CUX2: variants seen among roughly 807,000 people sequenced by gnomAD.
CUX2 encodes cut like homeobox 2, also known as homeobox protein cut-like 2.
CUX2 carries 40 observed loss-of-function variants against 144.8 expected under a neutral mutation model. That is an observed-to-expected ratio of 0.28 (90% CI 0.21 to 0.36). The LOEUF (loss-of-function observed/expected upper bound fraction) is 0.36, where lower values mean the gene tolerates loss of function less well. Ranked by LOEUF, CUX2 falls within the 10% of genes least tolerant of loss-of-function variation. The pLI is 1.00. For missense variants in CUX2, 1,615 were observed against 1,994.0 expected (o/e 0.81, Z 3.62); for synonymous variants, 827 against 875.6 (o/e 0.94, Z 0.98).
chr12:111,052,217 G>A (rs1412037638), intron 1 of CUX2, among the ~76,000 whole-genome samples: 1 of 152,002 alleles, frequency 6.6e-6, no homozygotes, highest in Non-Finnish European at 1.5e-5. Context: ...CACTTCCTTG[G>A]GGCAGCTGCC....
At position 111,241,901 on chromosome 12, in the gene CUX2, T is replaced by G. The variant is rs371239063; in HGVS notation, c.223-21860T>G. 2.6e-4 allele frequency among the ~76,000 whole-genome samples: 40 copies of G among 152,408 alleles called. No homozygotes were observed. In the South Asian group the frequency reaches 7.7e-3, roughly 29 times the overall value. On this transcript the variant is annotated intron_variant, in intron 3 of 21. Coordinates refer to ENST00000261726, the MANE Select transcript of CUX2 (RefSeq NM_015267.4). ...TCCTTATTGTGTGAAGTAGGACTCATGTCTCTGTTCTAAGTTTTCCTCTTT... is the reference window on the plus strand; with the variant it reads ...TCCTTATTGTGTGAAGTAGGACTCAGGTCTCTGTTCTAAGTTTTCCTCTTT...
intron 1 of CUX2, among the ~76,000 whole-genome samples, chr12:111,140,784 G>A (rs1175380870): frequency 2.0e-5 from 3 of 152,312 alleles, no homozygotes; most frequent in Admixed American, 6.5e-5. Flanking sequence ...GTTACCTTTG[G>A]CAGTTTACAC....
At chr12:111,103,780 G>T (rs543916927) in intron 1 of CUX2, among the ~76,000 whole-genome samples, 1 of 152,312 alleles carries the variant, frequency 6.6e-6, no homozygotes, top group Admixed American at 6.5e-5. Flanking sequence ...CTGCCTTCAG[G>T]CATGGCTGTA....
chr12:111,196,477 T>A (rs4766553), intron 1 of CUX2, among the ~76,000 whole-genome samples: 1 of 152,082 alleles, frequency 6.6e-6, no homozygotes, highest in Admixed American at 6.5e-5. Context: ...GTATCTGGGC[T>A]TAGTATTGTC....
chr12:111,146,112 G>A (rs1217286162), intron 1 of CUX2, among the ~76,000 whole-genome samples: 1 of 152,116 alleles, frequency 6.6e-6, no homozygotes, highest in Non-Finnish European at 1.5e-5. Context: ...CCCCTACACG[G>A]CACATTCTCT....
chr12:111,349,150 G>C lies in CUX2; in HGVS notation c.*825G>C, dbSNP rs1295104489. ...GGTCTCACTAGTTAGAAACCTGTGG[G>C]CCATGGAGGTCAGACATCCATCTTG... is the stretch of plus-strand genomic sequence containing the variant. On this transcript the variant is annotated 3_prime_UTR_variant, in exon 22 of 22. Transcript: ENST00000261726. 1.3e-5 allele frequency: 2 copies of C among 152,304 alleles called. No homozygotes were observed. Among genetic ancestry groups the C allele is most frequent in the East Asian group, 1.9e-4 (1 of 5,196 alleles). The allele number at this position is 152,304 out of a possible 1,614,324, so 9.4% of individuals were successfully genotyped here. A position where few individuals can be genotyped will look rare whatever the true frequency, so the allele number is the denominator to read the frequency against.
At chr12:111,317,437 T>C (rs1283666165) in intron 16 of CUX2, among the ~76,000 whole-genome samples, 2 of 152,218 alleles carry the variant, frequency 1.3e-5, no homozygotes, top group African/African-American at 2.4e-5. Flanking sequence ...TATGTGTGTG[T>C]ATATTCATGC....
chr12:111,094,060 T>C (rs1267031616), intron 1 of CUX2, among the ~76,000 whole-genome samples: 1 of 152,230 alleles, frequency 6.6e-6, no homozygotes, highest in Non-Finnish European at 1.5e-5. Flanking sequence ...ATAGTGAACT[T>C]TCAATAGCAG....
intron 2 of CUX2, 46 bp from the exon 3 acceptor site, chr12:111,217,844 G>T (rs368893159): frequency 6.2e-5 from 99 of 1,603,450 alleles, no homozygotes; most frequent in Non-Finnish European, 8.1e-5. Flanking sequence ...CCACGGGGGC[G>T]TCCCACCTGG....
chr12:111,175,329 C>T (rs1370923771), intron 1 of CUX2, among the ~76,000 whole-genome samples: 1 of 138,682 alleles, frequency 7.2e-6, no homozygotes, highest in African/African-American at 2.8e-5. Flanking sequence ...CCAACCCCCT[C>T]CCCACCCACA....
At chr12:111,128,380 T>C (rs1375362113) in intron 1 of CUX2, among the ~76,000 whole-genome samples, 1 of 152,146 alleles carries the variant, frequency 6.6e-6, no homozygotes, top group Non-Finnish European at 1.5e-5. Flanking sequence ...CCGGGTCAAT[T>C]CTGTCAGTTT....
At chr12:111,053,034 G>T (rs914829289) in intron 1 of CUX2, among the ~76,000 whole-genome samples, 42 of 152,112 alleles carry the variant, frequency 2.8e-4, no homozygotes, top group African/African-American at 9.9e-4. Context: ...GGCAAAGCAG[G>T]GTTATTGCCG....
chr12:111,036,704 T>G (rs1869473643), intron 1 of CUX2, among the ~76,000 whole-genome samples: 2 of 139,976 alleles, frequency 1.4e-5, no homozygotes, highest in South Asian at 2.6e-4. Context: ...GGAAGGGGGG[T>G]AAACTCATTT....
chr12:111,139,738 G>A (rs1006976339), intron 1 of CUX2, among the ~76,000 whole-genome samples: 1 of 152,176 alleles, frequency 6.6e-6, no homozygotes, highest in Non-Finnish European at 1.5e-5. Context: ...CTTCCATGGG[G>A]CTGAGCTTCC....
intron 3 of CUX2, among the ~76,000 whole-genome samples, chr12:111,259,211 TTTC>T (rs1409647569): frequency 2.0e-5 from 3 of 152,124 alleles, no homozygotes; most frequent in Non-Finnish European, 4.4e-5. Context: ...CTCAGGATAA[TTTC>T]TTATCTCTGT....
chr12:111,132,031 C>T (rs1028620839), intron 1 of CUX2, among the ~76,000 whole-genome samples: 2 of 152,230 alleles, frequency 1.3e-5, no homozygotes, highest in Non-Finnish European at 2.9e-5. Context: ...TTTGTACTGC[C>T]CTAGCAAACG....
At chr12:111,269,118 G>T (rs1884522234) in intron 4 of CUX2, among the ~76,000 whole-genome samples, 2 of 152,270 alleles carry the variant, frequency 1.3e-5, no homozygotes, top group African/African-American at 4.8e-5. Flanking sequence ...CTGTTATTTG[G>T]AGGCATCAAG....
intron 1 of CUX2, among the ~76,000 whole-genome samples, chr12:111,191,239 A>G (rs1426165811): frequency 1.3e-5 from 2 of 152,140 alleles, no homozygotes; most frequent in Admixed American, 1.3e-4. Flanking sequence ...GTAAAGTGCT[A>G]AGAACGTGCC....
At chr12:111,152,813 A>G (rs963591678) in intron 1 of CUX2, among the ~76,000 whole-genome samples, 9 of 152,138 alleles carry the variant, frequency 5.9e-5, no homozygotes, top group Non-Finnish European at 1.2e-4. Flanking sequence ...TTAGCTTCCC[A>G]TCTGGCAGTC....
Sources: allele counts gnomAD v4.1 joint callset (sites outside exome capture counted in the v4.1 genomes callset), GRCh38; gene constraint gnomAD v4.1.1; transcripts MANE v1.5; gene names NCBI Gene and HGNC (gene_info 2026-07-23, HGNC 2026-07-21).